The following ABCA10 variants were observed in gnomAD, a reference collection of about 807,000 sequenced individuals.
ABCA10 encodes the protein ATP binding cassette subfamily A member 10, also known as ATP-binding cassette sub-family A member 10.
ABCA10 carries 169 observed loss-of-function variants against 187.5 expected under a neutral mutation model. The ratio of observed to expected loss-of-function variants is 0.90; its 90% CI spans 0.80 to 1.02. ABCA10 has a LOEUF of 1.02. ABCA10 is among the 50% of genes least tolerant of loss of function. The probability of loss-of-function intolerance (pLI) is 0.00; values close to 1 mark genes in which losing one functional copy is unlikely to be tolerated. For missense variants in ABCA10, 1,727 were observed against 1,812.4 expected (o/e 0.95, Z 0.86); for synonymous variants, 574 against 601.8 (o/e 0.95, Z 0.68).
intron 10 of ABCA10, among the ~76,000 whole-genome samples, chr17:69,197,449 C>T (rs376056293): frequency 4.7e-4 from 71 of 152,120 alleles, no homozygotes; most frequent in African/African-American, 1.6e-3. Flanking sequence ...TCCCTCAATC[C>T]TGAATCCCTC....
At chr17:69,159,003 A>C (rs1294313821) in intron 27 of ABCA10, among the ~76,000 whole-genome samples, 1 of 152,052 alleles carries the variant, frequency 6.6e-6, no homozygotes, top group African/African-American at 2.4e-5. Context: ...TACAAAGGTT[A>C]GTCTATATCT....
At chr17:69,152,258 T>G in intron 35 of ABCA10, 75 bp from the exon 36 acceptor site, 1 of 1,572,098 alleles carries the variant, frequency 6.4e-7, no homozygotes, top group Non-Finnish European at 8.6e-7. Context: ...AGGAAGGTGT[T>G]TAATTACAGG....
At chr17:69,215,146 C>A (rs2144838625) in intron 8 of ABCA10, among the ~76,000 whole-genome samples, 1 of 152,164 alleles carries the variant, frequency 6.6e-6, no homozygotes, top group Non-Finnish European at 1.5e-5. Context: ...CCAAATATAA[C>A]ATACTTTGGG....
chr17:69,190,879 A>G (rs2074454587), intron 17 of ABCA10, among the ~76,000 whole-genome samples: 1 of 151,994 alleles, frequency 6.6e-6, no homozygotes, highest in Non-Finnish European at 1.5e-5. Context: ...ATTTTAAAAG[A>G]TAAAGTCTCA....
At chr17:69,211,911 T>C (rs1381976489) in intron 9 of ABCA10, among the ~76,000 whole-genome samples, 6 of 152,210 alleles carry the variant, frequency 3.9e-5, no homozygotes, top group African/African-American at 1.2e-4. Flanking sequence ...ATCAATTTTG[T>C]TCAACTTTTC....
rs150472849 is a variant in ABCA10, at chr17:69,155,879, C to A, written c.3502G>T (p.Glu1168Ter). The change falls in exon 29 of 39, where the codon GAA becomes TAA. Residue 1168 changes from glutamate (E) to a stop codon, truncating the protein, a stop_gained. Transcript: ENST00000690296. LOFTEE classifies it high-confidence loss of function. ...RETHPNPEEP[E>*]EEDEDVQAER... ...GCTTGAACATCTTCATCTTCTTCTT[C>A]GGGCTCTTCCGGATTGGGATGAGTT... 6.2e-7 allele frequency: 1 copy of A among 1,613,666 alleles called. No homozygotes were observed. The highest frequency in any genetic ancestry group is 8.5e-7 in the Non-Finnish European group (1 of 1,179,726).
chr17:69,149,161 A>G (rs371175546), intron 37 of ABCA10, 73 bp from the exon 38 acceptor site: 4 of 1,517,656 alleles, frequency 2.6e-6, no homozygotes, highest in Non-Finnish European at 3.7e-6. Context: ...TACAATAGAG[A>G]CAGTAGCTTC....
intron 20 of ABCA10, among the ~76,000 whole-genome samples, chr17:69,183,677 G>C (rs1237779781): frequency 6.6e-6 from 1 of 152,144 alleles, no homozygotes; most frequent in Non-Finnish European, 1.5e-5. Flanking sequence ...TATAGGGGTA[G>C]AGGAAGCAGT....
At chr17:69,218,256 T>G (rs1300493307) in intron 6 of ABCA10, among the ~76,000 whole-genome samples, 1 of 152,190 alleles carries the variant, frequency 6.6e-6, no homozygotes, top group Non-Finnish European at 1.5e-5. Flanking sequence ...AAAGGCTTTT[T>G]CTATCTCCTT....
chr17:69,151,440 AAAT>A (rs578133915), intron 36 of ABCA10, among the ~76,000 whole-genome samples: 241 of 152,280 alleles, frequency 1.6e-3, no homozygotes, highest in African/African-American at 5.7e-3. Context: ...TAAATATAAC[AAAT>A]ATTATAAAAA....
At position 69,191,320 on chromosome 17, in the gene ABCA10, T is replaced by C. The variant is rs775240961; in HGVS notation, c.1872-5A>G. 2 of 1,534,522 alleles carry C rather than the reference T, an allele frequency of 1.3e-6. No homozygotes were observed. Among genetic ancestry groups the C allele is most frequent in the South Asian group, 2.6e-5 (2 of 77,600 alleles). On this transcript the variant is annotated splice_region_variant and splice_polypyrimidine_tract_variant and intron_variant, in intron 16 of 38. Coordinates refer to ENST00000690296, the MANE Select transcript of ABCA10 (RefSeq NM_001377321.1). ...CACATTTCATTCCTGTGTAAACTAT[T>C]ATTTCAAAAGAGCCATAAGTCTCTT...
At chr17:69,233,321 T>A (rs900369765), upstream of ABCA10, 9 of 152,190 alleles carry the variant, frequency 5.9e-5, no homozygotes, top group Non-Finnish European at 1.3e-4. Context: ...AATGTTTTTA[T>A]TCTATTTGAT....
intron 20 of ABCA10, among the ~76,000 whole-genome samples, chr17:69,184,942 C>T (rs1235462082): frequency 6.8e-6 from 1 of 147,376 alleles, no homozygotes. Flanking sequence ...CACACACACA[C>T]ACACACCTTG....
At chr17:69,237,197 T>C (rs1031408910) in intron 1 of ABCA10, among the ~76,000 whole-genome samples, 21 of 152,182 alleles carry the variant, frequency 1.4e-4, no homozygotes, top group African/African-American at 4.8e-4. Context: ...CAGGTCTCTT[T>C]TGGAATTTAT....
At chr17:69,200,374 A>T (rs578013935) in intron 10 of ABCA10, among the ~76,000 whole-genome samples, 21 of 152,348 alleles carry the variant, frequency 1.4e-4, no homozygotes, top group African/African-American at 1.9e-4. Flanking sequence ...AGTTGGTTTA[A>T]ACCTACAGAC....
chr17:69,202,335 A>G (rs981138128), intron 9 of ABCA10, among the ~76,000 whole-genome samples: 6 of 152,204 alleles, frequency 3.9e-5, no homozygotes, highest in African/African-American at 1.4e-4. Flanking sequence ...AATATAGAAA[A>G]AAACAAATAT....
intron 25 of ABCA10, among the ~76,000 whole-genome samples, chr17:69,167,659 TGAG>T (rs904390164): frequency 6.6e-6 from 1 of 151,966 alleles, no homozygotes; most frequent in African/African-American, 2.4e-5. Flanking sequence ...TGCCAGATGA[TGAG>T]AAAGAAGATG....
intron 1 of ABCA10, among the ~76,000 whole-genome samples, chr17:69,241,022 C>T (rs952217320): frequency 2.0e-5 from 3 of 152,190 alleles, no homozygotes; most frequent in East Asian, 1.9e-4. Context: ...CCTTTGCTCA[C>T]TGGACATCTC....
At chr17:69,163,456 G>A (rs752851200) in intron 27 of ABCA10, among the ~76,000 whole-genome samples, 13 of 152,066 alleles carry the variant, frequency 8.5e-5, no homozygotes, top group Non-Finnish European at 1.6e-4. Context: ...ACTATATATG[G>A]AACATCTCTG....
Sources: gnomAD v4.1 joint callset for allele counts (sites outside exome capture counted in the v4.1 genomes callset) on GRCh38, gnomAD v4.1.1 for gene constraint, MANE v1.5 for transcripts, NCBI Gene and HGNC (gene_info 2026-07-23, HGNC 2026-07-21) for gene names.